The following SORCS2 variants were observed in gnomAD, a reference collection of about 807,000 sequenced individuals.
SORCS2 encodes the protein VPS10 domain-containing receptor SorCS2.
A neutral mutation model predicts 141.6 loss-of-function variants in SORCS2; 100 were observed. That is an observed-to-expected ratio of 0.71 (90% confidence interval 0.60 to 0.83). The LOEUF (loss-of-function observed/expected upper bound fraction) is 0.83. SORCS2 is among the 40% of genes least tolerant of loss of function. SORCS2 has a pLI of 0.00. For missense variants in SORCS2, 1,646 were observed against 1,560.2 expected (o/e 1.05, Z -0.93); for synonymous variants, 789 against 676.9 (o/e 1.17, Z -2.57).
intron 3 of SORCS2, among the ~76,000 whole-genome samples, chr4:7,547,116 A>G (rs972929155): frequency 6.6e-6 from 1 of 152,152 alleles, no homozygotes; most frequent in Admixed American, 6.5e-5. Flanking sequence ...GGGCTTCTCC[A>G]GGCATTTATC....
intron 2 of SORCS2, 87 bp from the exon 3 acceptor site, chr4:7,531,443 C>T: frequency 2.3e-6 from 3 of 1,301,716 alleles, no homozygotes; most frequent in Non-Finnish European, 3.3e-6. Context: ...CCCGCACGGG[C>T]ACAGGGCAGG....
At chr4:7,575,550 G>A (rs6852936) in intron 3 of SORCS2, among the ~76,000 whole-genome samples, 40,686 of 151,882 alleles carry the variant, frequency 0.27, 6,640 homozygotes, top group East Asian at 0.69. Flanking sequence ...GTTCACATAC[G>A]CACATTGTTC....
intron 2 of SORCS2, among the ~76,000 whole-genome samples, chr4:7,510,966 G>A (rs1732607036): frequency 6.6e-6 from 1 of 152,226 alleles, no homozygotes; most frequent in Non-Finnish European, 1.5e-5. Flanking sequence ...GGAGGTTCGA[G>A]GCCGGAACTA....
intron 1 of SORCS2, among the ~76,000 whole-genome samples, chr4:7,370,574 A>T (rs1722185680): frequency 6.6e-6 from 1 of 152,226 alleles, no homozygotes; most frequent in African/African-American, 2.4e-5. Context: ...AAAATTACAC[A>T]TCAACACGCT....
intron 2 of SORCS2, among the ~76,000 whole-genome samples, chr4:7,474,562 A>G (rs781316166): frequency 3.3e-5 from 5 of 152,174 alleles, no homozygotes; most frequent in Non-Finnish European, 7.4e-5. Context: ...CAGAGTCCCC[A>G]GCTCTGTGAA....
intron 2 of SORCS2, chr4:7,434,715 G>C: frequency 6.2e-7 from 1 of 1,613,006 alleles, no homozygotes; most frequent in Non-Finnish European, 8.5e-7. Flanking sequence ...CGGTGGGTTT[G>C]TTCCATACGG....
chr4:7,390,757 T>G (rs557816783), intron 1 of SORCS2, among the ~76,000 whole-genome samples: 6 of 152,266 alleles, frequency 3.9e-5, no homozygotes, highest in Admixed American at 3.3e-4. Flanking sequence ...GCTGGTTACA[T>G]TGGGGAAAGG....
At chr4:7,551,603 C>G (rs987116162) in intron 3 of SORCS2, among the ~76,000 whole-genome samples, 2 of 152,184 alleles carry the variant, frequency 1.3e-5, no homozygotes, top group Admixed American at 6.5e-5. Flanking sequence ...AGGGACAGCT[C>G]TGAGTGTCAC....
At chr4:7,448,214 G>A (rs1000535612) in intron 2 of SORCS2, among the ~76,000 whole-genome samples, 7 of 152,144 alleles carry the variant, frequency 4.6e-5, no homozygotes, top group Non-Finnish European at 1.0e-4. Flanking sequence ...AAGCAAGCAG[G>A]GAGAGTGGCC....
chr4:7,646,881 CA>C (rs995287679), intron 4 of SORCS2, among the ~76,000 whole-genome samples: 3 of 152,268 alleles, frequency 2.0e-5, no homozygotes, highest in African/African-American at 7.2e-5. Flanking sequence ...GACAAAAACC[CA>C]GGGGCGGGAG....
At chr4:7,579,318 C>G (rs1371860961) in intron 3 of SORCS2, among the ~76,000 whole-genome samples, 5 of 151,950 alleles carry the variant, frequency 3.3e-5, no homozygotes. Context: ...AGCTGAGTAC[C>G]TACAAAATCC....
intron 1 of SORCS2, among the ~76,000 whole-genome samples, chr4:7,330,411 C>T (rs1205822811): frequency 6.6e-6 from 1 of 151,908 alleles, no homozygotes; most frequent in East Asian, 2.0e-4. Flanking sequence ...TGCCTGCGCC[C>T]TCTCTGGAGG....
At chr4:7,485,430 C>T (rs1175351952) in intron 2 of SORCS2, among the ~76,000 whole-genome samples, 3 of 152,258 alleles carry the variant, frequency 2.0e-5, no homozygotes, top group Non-Finnish European at 2.9e-5. Context: ...ACTCCACCCA[C>T]ACCAGGTTGG....
intron 3 of SORCS2, among the ~76,000 whole-genome samples, chr4:7,601,403 A>T (rs983191559): frequency 5.3e-5 from 8 of 151,772 alleles, no homozygotes; most frequent in Admixed American, 5.2e-4. Context: ...GTTGTTTTTC[A>T]CTAGATAGTG....
In SORCS2 at chr4:7,724,920, T is replaced by G. The variant is rs1339338401; in HGVS notation, c.2612-234T>G. Among the ~76,000 whole-genome samples the G allele has an allele frequency of 1.8e-3, 61 of 33,104 alleles. 1 individual carries two copies. The highest frequency in any genetic ancestry group is 5.7e-3 in the East Asian group (6 of 1,060). 21.7% of individuals were successfully genotyped at this position (33,104 alleles called of 152,430 possible). A position where few individuals can be genotyped will look rare whatever the true frequency, so the allele number is the denominator to read the frequency against. ...ATGGTGGTGATAGTATTGGTGGGAA[T>G]GGATGGTGGTAGTAGTGGTGATGGT... On this transcript the variant is annotated intron_variant, in intron 19 of 26. Transcript: ENST00000507866.
chr4:7,511,474 T>C (rs1157085258), intron 2 of SORCS2, among the ~76,000 whole-genome samples: 1 of 88,638 alleles, frequency 1.1e-5, no homozygotes, highest in Non-Finnish European at 2.3e-5. Context: ...ACACACAACT[T>C]GGGGGAGGGG....
chr4:7,298,061 GA>G (rs1338925313), intron 1 of SORCS2, among the ~76,000 whole-genome samples: 5 of 152,254 alleles, frequency 3.3e-5, no homozygotes, highest in Non-Finnish European at 5.9e-5. Context: ...CGTCCTCCCA[GA>G]GTGGGCTGCA....
intron 3 of SORCS2, among the ~76,000 whole-genome samples, chr4:7,535,565 T>C (rs1712051271): frequency 6.6e-6 from 1 of 152,218 alleles, no homozygotes; most frequent in Non-Finnish European, 1.5e-5. Flanking sequence ...ATGGAATTAA[T>C]GAGGTGCTCC....
At chr4:7,422,403 C>T (rs1726137829) in intron 2 of SORCS2, among the ~76,000 whole-genome samples, 1 of 152,134 alleles carries the variant, frequency 6.6e-6, no homozygotes, top group Non-Finnish European at 1.5e-5. Context: ...CCTCCCGTGG[C>T]CTTCCTTTCC....
Sources: allele counts gnomAD v4.1 joint callset (sites outside exome capture counted in the v4.1 genomes callset), GRCh38; gene constraint gnomAD v4.1.1; transcripts MANE v1.5; gene names NCBI Gene and HGNC (gene_info 2026-07-23, HGNC 2026-07-21).